PCNX2: variants seen among roughly 807,000 people sequenced by gnomAD.
PCNX2 encodes pecanex 2.
In PCNX2, 168 loss-of-function variants were observed where a neutral mutation model predicts 223.8. The observed-to-expected ratio is 0.75, with a 90% CI of 0.66 to 0.85. PCNX2 has a LOEUF of 0.85. PCNX2 is among the 40% of genes least tolerant of loss of function. The pLI is 0.00. For synonymous variants in PCNX2, 1,006 were observed against 1,052.6 expected (o/e 0.96, Z 0.86); for missense variants, 2,507 against 2,675.5 (o/e 0.94, Z 1.39).
chr1:233,228,003 T>C (rs1310101576), intron 9 of PCNX2, among the ~76,000 whole-genome samples: 1 of 152,190 alleles, frequency 6.6e-6, no homozygotes, highest in Non-Finnish European at 1.5e-5. Flanking sequence ...TTAGTCTTCA[T>C]TGATTTGTCT....
At chr1:233,208,847 A>AC (rs1558346018) in intron 12 of PCNX2, among the ~76,000 whole-genome samples, 158 bp from the exon 13 acceptor site, 2 of 150,174 alleles carry the variant, frequency 1.3e-5, no homozygotes, top group Non-Finnish European at 3.0e-5. Context: ...AAAAAAAAAA[A>AC]AAAACAGGAA....
chr1:233,268,898 G>C (rs1660487204), intron 1 of PCNX2, among the ~76,000 whole-genome samples: 1 of 152,146 alleles, frequency 6.6e-6, no homozygotes, highest in African/African-American at 2.4e-5. Context: ...TCTCTCAGGA[G>C]CTGGTTGGGC....
At chr1:233,235,920 T>C (rs1313827856) in intron 9 of PCNX2, among the ~76,000 whole-genome samples, 2 of 133,688 alleles carry the variant, frequency 1.5e-5, no homozygotes, top group African/African-American at 2.7e-5. Flanking sequence ...TTGTTGAGCA[T>C]CCTTTGGAAA....
intron 17 of PCNX2, among the ~76,000 whole-genome samples, chr1:233,164,660 ACAC>A (rs1678685431): frequency 6.6e-6 from 1 of 151,428 alleles, no homozygotes; most frequent in Admixed American, 6.6e-5. Context: ...AATGTGATAT[ACAC>A]AAACACACCC....
At chr1:233,075,791 A>G (rs1390807956) in intron 23 of PCNX2, among the ~76,000 whole-genome samples, 1 of 151,986 alleles carries the variant, frequency 6.6e-6, no homozygotes, top group Non-Finnish European at 1.5e-5. Flanking sequence ...AGTGACTACC[A>G]TGCATTCATC....
At chr1:233,028,094 G>A (rs1671144880) in intron 25 of PCNX2, among the ~76,000 whole-genome samples, 1 of 152,160 alleles carries the variant, frequency 6.6e-6, no homozygotes, top group Non-Finnish European at 1.5e-5. Context: ...TGTTACTGGA[G>A]AATGAACACT....
At chr1:233,003,321 C>T (rs572004911) in intron 28 of PCNX2, among the ~76,000 whole-genome samples, 2 of 152,158 alleles carry the variant, frequency 1.3e-5, no homozygotes, top group Admixed American at 6.5e-5. Context: ...AAAAAACAAC[C>T]CCATCAAAAA....
At chr1:233,057,376 GA>G in intron 23 of PCNX2, 86 bp from the exon 24 acceptor site, 1 of 1,041,524 alleles carries the variant, frequency 9.6e-7, no homozygotes. Flanking sequence ...TGCATGAGTG[GA>G]AAATGCAAAG....
intron 21 of PCNX2, among the ~76,000 whole-genome samples, chr1:233,130,891 G>A (rs1676465590): frequency 6.6e-6 from 1 of 152,010 alleles, no homozygotes; most frequent in African/African-American, 2.4e-5. Context: ...GGGAGGTAGA[G>A]AATATCATGA....
intron 23 of PCNX2, among the ~76,000 whole-genome samples, chr1:233,071,631 A>G (rs931972327): frequency 2.0e-5 from 3 of 152,238 alleles, no homozygotes; most frequent in Non-Finnish European, 4.4e-5. Context: ...TCTTTAGGAC[A>G]GAGCGATTTA....
chr1:233,086,202 T>C lies in PCNX2; in HGVS notation c.4076+3859A>G, dbSNP rs1242488116. Among the ~76,000 whole-genome samples the C allele has an allele frequency of 2.6e-5, 4 of 151,848 alleles. No homozygotes were observed. In the East Asian group the frequency reaches 7.8e-4, roughly 29 times the overall value. ...ATGAAGAGTAAGATCCAAGGAGAGGTTCGGAATGGAAATTCACAGTATATG... is the reference window on the plus strand; with the variant it reads ...ATGAAGAGTAAGATCCAAGGAGAGGCTCGGAATGGAAATTCACAGTATATG... On this transcript the variant is annotated intron_variant, in intron 23 of 33. Transcript: ENST00000258229.
chr1:233,285,144 G>T, intron 1 of PCNX2: 1 of 320,058 alleles, frequency 3.1e-6, no homozygotes, highest in Non-Finnish European at 4.5e-6. Context: ...CTTGAGGCCA[G>T]GAGTTTGACA....
intron 17 of PCNX2, among the ~76,000 whole-genome samples, chr1:233,169,474 G>A (rs1004097077): frequency 5.9e-5 from 9 of 151,484 alleles, no homozygotes; most frequent in African/African-American, 7.3e-5. Flanking sequence ...GTGAAACCCC[G>A]TCTCTACTAA....
chr1:233,189,559 A>T (rs543158237), intron 15 of PCNX2, among the ~76,000 whole-genome samples: 1 of 152,188 alleles, frequency 6.6e-6, no homozygotes, highest in African/African-American at 2.4e-5. Flanking sequence ...GGTCCACTTC[A>T]GCATTAAATA....
rs777883399 is a variant in PCNX2, at chr1:233,246,815, C to T, written c.2222+3924G>A. Among the ~76,000 whole-genome samples the T allele has an allele frequency of 7.9e-5, 12 of 152,264 alleles. No homozygotes were observed. In the South Asian group the frequency reaches 1.9e-3, roughly 24 times the overall value. ...ACCCCCAGGTGCACATGAACTCACA[C>T]GAGTGCACACATGCACTAGTATGTT... is the stretch of plus-strand genomic sequence containing the variant. On this transcript the variant is annotated intron_variant, in intron 8 of 33. Transcript: ENST00000258229.
intron 21 of PCNX2, among the ~76,000 whole-genome samples, chr1:233,111,072 T>C (rs775522790): frequency 2.4e-4 from 37 of 152,324 alleles, no homozygotes; most frequent in Non-Finnish European, 2.4e-4. Context: ...TGATCACTTG[T>C]CTCCTTCTAG....
In PCNX2 at chr1:233,102,041, G is replaced by A. The variant is rs16858665; in HGVS notation, c.3838-6178C>T. Among the ~76,000 whole-genome samples the A allele has an allele frequency of 3.6e-3, 545 of 150,884 alleles. 7 individuals are homozygous for A. The highest frequency in any genetic ancestry group is 0.029 in the Admixed American group (442 of 15,170). ...GAAACTAACATAAAAAGTAGTGGAGGATGATAAAACTTCCTCACAGGAGTA... is the reference window on the plus strand; with the variant it reads ...GAAACTAACATAAAAAGTAGTGGAGAATGATAAAACTTCCTCACAGGAGTA... On this transcript the variant is annotated intron_variant, in intron 21 of 33. Transcript: ENST00000258229.
chr1:233,316,350 A>T, the PCNX2 span, among the ~76,000 whole-genome samples: 3 of 152,252 alleles, frequency 2.0e-5, no homozygotes, highest in Non-Finnish European at 4.4e-5. Context: ...TTACCGTATC[A>T]TCACCACCAT....
chr1:233,089,950 C>T (rs1288304311), intron 23 of PCNX2, 111 bp downstream of exon 23: 2 of 1,537,670 alleles, frequency 1.3e-6, no homozygotes, highest in Non-Finnish European at 8.7e-7. Context: ...TGGCCTGGCC[C>T]CACAGCAGGG....
Sources: allele counts gnomAD v4.1 joint callset (sites outside exome capture counted in the v4.1 genomes callset), GRCh38; gene constraint gnomAD v4.1.1; transcripts MANE v1.5; gene names NCBI Gene and HGNC (gene_info 2026-07-23, HGNC 2026-07-21).